HMGXB3: variants seen among roughly 807,000 people sequenced by gnomAD.
HMGXB3 encodes HMG domain-containing protein 3.
In HMGXB3, 45 loss-of-function variants were observed where a neutral mutation model predicts 121.5. That is an observed-to-expected ratio of 0.37 (90% CI 0.29 to 0.47). The LOEUF (loss-of-function observed/expected upper bound fraction) is 0.47. HMGXB3 is among the 20% of genes least tolerant of loss of function. The probability of loss-of-function intolerance (pLI) is 0.99; values close to 1 mark genes in which losing one functional copy is unlikely to be tolerated. For synonymous variants in HMGXB3, 590 were observed against 624.1 expected (o/e 0.95, Z 0.81); for missense variants, 1,376 against 1,602.2 (o/e 0.86, Z 2.41).
chr5:150,007,006 T>C (rs1407586769), intron 3 of HMGXB3, among the ~76,000 whole-genome samples: 1 of 152,232 alleles, frequency 6.6e-6, no homozygotes, highest in Non-Finnish European at 1.5e-5. Flanking sequence ...CCATGAGTTT[T>C]CATATTACAG....
At chr5:150,037,716 A>C (rs993434713) in intron 13 of HMGXB3, among the ~76,000 whole-genome samples, 189 bp downstream of exon 13, 1 of 152,224 alleles carries the variant, frequency 6.6e-6, no homozygotes, top group Non-Finnish European at 1.5e-5. Flanking sequence ...GAAGCTCTCA[A>C]CTGGGATCTT....
rs116194274 is a variant in HMGXB3, at chr5:150,020,497, C to G, written c.1041+1800C>G. Among the ~76,000 whole-genome samples, 149 of 152,300 alleles carry G rather than the reference C, an allele frequency of 9.8e-4. 1 individual carries two copies. The highest frequency in any genetic ancestry group is 3.4e-3 in the African/African-American group (141 of 41,562). On this transcript the variant is annotated intron_variant, in intron 6 of 19. Transcript: ENST00000502717. The stretch of plus-strand genomic sequence containing the variant: ...GTCAGTGATCACTGTGGGCTTATCC[C>G]TCCTTCAGGCTATTTTTACTTTGGC...
At chr5:150,051,370 C>T (rs933579818) in intron 19 of HMGXB3, among the ~76,000 whole-genome samples, 2 of 152,218 alleles carry the variant, frequency 1.3e-5, no homozygotes, top group South Asian at 2.1e-4. Flanking sequence ...TCATTATTGT[C>T]ATTACTCCCT....
chr5:150,029,982 A>G (rs749599023), intron 9 of HMGXB3, among the ~76,000 whole-genome samples: 1 of 152,242 alleles, frequency 6.6e-6, no homozygotes, highest in Non-Finnish European at 1.5e-5. Context: ...TCTTCTCTGT[A>G]AATAGTTTCC....
chr5:150,013,453 C>A (rs913840007), intron 5 of HMGXB3, among the ~76,000 whole-genome samples: 11 of 152,204 alleles, frequency 7.2e-5, no homozygotes, highest in Admixed American at 7.2e-4. Flanking sequence ...GTATCCCTCT[C>A]ATAGATTGTT....
rs2113767852 is a variant in HMGXB3, at chr5:150,052,400, G to A, written c.*208G>A. Reference sequence around the variant, plus strand: ...CCTCCAGGGGTCAGGAGTGGTACCAGGAAACCTCTTCTGGCCCCGAGAGAG... The same window carrying A: ...CCTCCAGGGGTCAGGAGTGGTACCAAGAAACCTCTTCTGGCCCCGAGAGAG... On this transcript the variant is annotated 3_prime_UTR_variant, in exon 20 of 20. Coordinates refer to ENST00000502717, the MANE Select transcript of HMGXB3 (RefSeq NM_014983.3). 3.5e-6 allele frequency: 2 copies of A among 567,522 alleles called. No individual in the cohort carries two copies. Among genetic ancestry groups the A allele is most frequent in the Non-Finnish European group, 6.3e-6 (2 of 318,554 alleles). The allele number at this position is 567,522 out of a possible 1,614,324, so 35.2% of individuals were successfully genotyped here. A position where few individuals can be genotyped will look rare whatever the true frequency, so the allele number is the denominator to read the frequency against.
In HMGXB3 at chr5:150,052,231, C is replaced by T. The variant is rs1249434745; in HGVS notation, c.*39C>T. 1.4e-6 allele frequency: 2 copies of T among 1,449,232 alleles called. No individual in the cohort carries two copies. The highest frequency in any genetic ancestry group is 2.0e-5 in the Admixed American group (1 of 49,610). 89.8% of individuals were successfully genotyped at this position (1,449,232 alleles called of 1,614,324 possible). A position where few individuals can be genotyped will look rare whatever the true frequency, so the allele number is the denominator to read the frequency against. Reference sequence around the variant, plus strand: ...ACAGGGACTACACCATCTCTCAAGCCATAGTAAGGCCCTTGCCTGAGGCAG... The same window carrying T: ...ACAGGGACTACACCATCTCTCAAGCTATAGTAAGGCCCTTGCCTGAGGCAG... On this transcript the variant is annotated 3_prime_UTR_variant, in exon 20 of 20. Transcript: ENST00000502717.
chr5:150,023,385 G>A (rs2113740254), intron 6 of HMGXB3, among the ~76,000 whole-genome samples: 1 of 152,234 alleles, frequency 6.6e-6, no homozygotes, highest in South Asian at 2.1e-4. Context: ...TTCAATTGAA[G>A]CTTGCCTTAT....
chr5:150,049,945 T>C (rs1756851531), intron 18 of HMGXB3, among the ~76,000 whole-genome samples: 1 of 152,222 alleles, frequency 6.6e-6, no homozygotes, highest in East Asian at 1.9e-4. Flanking sequence ...GCTATGTAGC[T>C]AGCATAGTGA....
chr5:150,010,702 C>T, intron 4 of HMGXB3, 94 bp downstream of exon 4: 1 of 1,240,066 alleles, frequency 8.1e-7, no homozygotes, highest in Non-Finnish European at 1.1e-6. Flanking sequence ...CAGTGGTAAT[C>T]AAGAGTACTG....
chr5:150,048,504 C>G, intron 17 of HMGXB3, 65 bp from the exon 18 acceptor site: 3 of 1,098,974 alleles, frequency 2.7e-6, no homozygotes, highest in Non-Finnish European at 4.1e-6. Context: ...GTGTGTGATG[C>G]TGAGCACCAG....
chr5:150,011,034 C>T (rs146926440), intron 4 of HMGXB3, among the ~76,000 whole-genome samples: 29 of 152,300 alleles, frequency 1.9e-4, no homozygotes, highest in Middle Eastern at 3.4e-3. Flanking sequence ...CTTAAGCAGT[C>T]CTCCTGCCTC....
At chr5:150,043,772 A>G (rs1208976097) in intron 15 of HMGXB3, among the ~76,000 whole-genome samples, 6 of 152,248 alleles carry the variant, frequency 3.9e-5, no homozygotes, top group African/African-American at 1.4e-4. Context: ...TTATAGACAT[A>G]GGCACTGAAG....
Position 150,048,970 on chromosome 5 carries a change from A to G in HMGXB3, c.3201+285A>G, listed in dbSNP as rs114967825. 9.9e-4 allele frequency among the ~76,000 whole-genome samples: 151 copies of G among 152,322 alleles called. 1 individual carries two copies. The South Asian group carries it at 0.028, about 28-fold the overall frequency. Reference sequence around the variant, plus strand: ...ATGTCGTTCCTCCCTAGTTGACCGTATATTTTAGTGGGGAAATAAAGTCAC... The same window carrying G: ...ATGTCGTTCCTCCCTAGTTGACCGTGTATTTTAGTGGGGAAATAAAGTCAC... On this transcript the variant is annotated intron_variant, in intron 18 of 19. Coordinates refer to ENST00000502717, the MANE Select transcript of HMGXB3 (RefSeq NM_014983.3).
intron 5 of HMGXB3, among the ~76,000 whole-genome samples, chr5:150,017,179 T>C (rs1392922829): frequency 6.6e-6 from 1 of 152,174 alleles, no homozygotes; most frequent in East Asian, 1.9e-4. Context: ...GCACTTTTTT[T>C]CCTAAAGTCA....
At chr5:150,034,902 C>T (rs1756466349) in intron 11 of HMGXB3, among the ~76,000 whole-genome samples, 2 of 152,306 alleles carry the variant, frequency 1.3e-5, no homozygotes, top group African/African-American at 4.8e-5. Flanking sequence ...GAACACACAG[C>T]CTCTCGGGGC....
rs748405231 is a variant in HMGXB3, at chr5:150,018,717, G to A, written c.1041+20G>A. On this transcript the variant is annotated intron_variant, in intron 6 of 19. Transcript: ENST00000502717. ...CCAAAGGTAAGGTCCATTGGCTGTT[G>A]CTGCTTTGGAAGCCTCACAGAATAG... 1.9e-6 allele frequency: 3 copies of A among 1,540,008 alleles called. No homozygotes were observed. In the African/African-American group the frequency reaches 4.1e-5, roughly 21 times the overall value.
chr5:150,040,709 G>A, intron 13 of HMGXB3, 39 bp from the exon 14 acceptor site: 1 of 1,544,744 alleles, frequency 6.5e-7, no homozygotes, highest in Non-Finnish European at 8.7e-7. Context: ...CATTGTGTAT[G>A]ATACATTAAT....
At chr5:150,019,016 T>TG (rs1756023142) in intron 6 of HMGXB3, among the ~76,000 whole-genome samples, 1 of 151,860 alleles carries the variant, frequency 6.6e-6, no homozygotes, top group Admixed American at 6.6e-5. Context: ...CCAGTAGAGA[T>TG]GGGGTCTTCC....
Sources: gnomAD v4.1 joint callset for allele counts (sites outside exome capture counted in the v4.1 genomes callset) on GRCh38, gnomAD v4.1.1 for gene constraint, MANE v1.5 for transcripts, NCBI Gene and HGNC (gene_info 2026-07-23, HGNC 2026-07-21) for gene names.